ZNF804B: variants seen among roughly 807,000 people sequenced by gnomAD.
ZNF804B encodes the protein zinc finger 804B.
Under a neutral mutation model 101.4 loss-of-function variants are expected in ZNF804B, and 80 were observed. The observed-to-expected ratio is 0.79, with a 90% CI of 0.66 to 0.95. The LOEUF (loss-of-function observed/expected upper bound fraction) is 0.95, where lower values mean the gene tolerates loss of function less well. ZNF804B is among the 40% of genes least tolerant of loss of function. The pLI, the probability that ZNF804B is intolerant of heterozygous loss-of-function variation, is 0.00. For missense variants in ZNF804B, 1,673 were observed against 1,561.9 expected, an observed-to-expected ratio of 1.07 and a Z score of -1.20; for synonymous variants, 622 against 558.8, an observed-to-expected ratio of 1.11 and a Z score of -1.59.
intron 2 of ZNF804B, among the ~76,000 whole-genome samples, chr7:89,258,752 A>C (rs1789670995): frequency 6.6e-6 from 1 of 151,796 alleles, no homozygotes; most frequent in Admixed American, 6.6e-5. Context: ...TATTCTTACA[A>C]TAAAGTAAGC....
At chr7:89,005,522 C>A (rs1027717232) in intron 1 of ZNF804B, among the ~76,000 whole-genome samples, 2 of 152,088 alleles carry the variant, frequency 1.3e-5, no homozygotes, top group African/African-American at 4.8e-5. Flanking sequence ...ACATAAATTA[C>A]TTGAGATAAT....
chr7:89,175,452 A>G (rs1791303490), intron 1 of ZNF804B, among the ~76,000 whole-genome samples: 1 of 151,980 alleles, frequency 6.6e-6, no homozygotes, highest in Admixed American at 6.6e-5. Context: ...TTATGTCAGT[A>G]CCATGCTCTT....
chr7:88,853,575 A>T (rs1025078145), intron 1 of ZNF804B, among the ~76,000 whole-genome samples: 14 of 152,160 alleles, frequency 9.2e-5, no homozygotes, highest in African/African-American at 3.4e-4. Context: ...TCAGTAGTCA[A>T]TATCTCTCTA....
At chr7:88,947,922 A>G (rs1186252445) in intron 1 of ZNF804B, among the ~76,000 whole-genome samples, 1 of 151,884 alleles carries the variant, frequency 6.6e-6, no homozygotes, top group Non-Finnish European at 1.5e-5. Flanking sequence ...CTGAGGAACA[A>G]TTGTATATGT....
At chr7:89,308,006 T>C (rs905191357) in intron 2 of ZNF804B, among the ~76,000 whole-genome samples, 12 of 152,212 alleles carry the variant, frequency 7.9e-5, no homozygotes, top group Admixed American at 2.0e-4. Context: ...GCTTAATAAA[T>C]AGAGTTGTAC....
At position 89,085,133 on chromosome 7, in the gene ZNF804B, A is replaced by G. The variant is rs1789769944; in HGVS notation, c.109-133022A>G. Among the ~76,000 whole-genome samples, 3 of 51,528 alleles carry G rather than the reference A, an allele frequency of 5.8e-5. No individual in the cohort carries two copies. In the South Asian group the frequency reaches 1.4e-3, roughly 25 times the overall value. The allele number at this position is 51,528 out of a possible 152,430, so 33.8% of individuals were successfully genotyped here. The stretch of plus-strand genomic sequence containing the variant: ...TCAGCATTCATTCTGTAAGTTTAGA[A>G]TATGCTCGCCAAATCAAAGCTCTTT... On this transcript the variant is annotated intron_variant, in intron 1 of 3. Transcript: ENST00000333190.
chr7:88,941,343 C>G (rs1242614213), intron 1 of ZNF804B, among the ~76,000 whole-genome samples: 1 of 151,984 alleles, frequency 6.6e-6, no homozygotes, highest in Non-Finnish European at 1.5e-5. Flanking sequence ...TTCATAATTG[C>G]TAAAACTTGG....
chr7:89,329,260 A>T (rs1790942081), intron 3 of ZNF804B, among the ~76,000 whole-genome samples: 1 of 151,752 alleles, frequency 6.6e-6, no homozygotes, highest in African/African-American at 2.4e-5. Context: ...AAACTAGGAA[A>T]ATAATTTTTT....
chr7:88,977,415 A>G (rs2116124887), intron 1 of ZNF804B, among the ~76,000 whole-genome samples: 1 of 151,328 alleles, frequency 6.6e-6, no homozygotes, highest in Admixed American at 6.6e-5. Flanking sequence ...TATAGCCTCT[A>G]TTTTACTACT....
intron 1 of ZNF804B, among the ~76,000 whole-genome samples, chr7:89,106,828 GA>G (rs1790144051): frequency 6.6e-6 from 1 of 152,126 alleles, no homozygotes; most frequent in Non-Finnish European, 1.5e-5. Context: ...TGGCAGAACA[GA>G]GAATATCCCA....
At chr7:89,131,761 A>G (rs1790550644) in intron 1 of ZNF804B, among the ~76,000 whole-genome samples, 1 of 152,024 alleles carries the variant, frequency 6.6e-6, no homozygotes, top group Admixed American at 6.6e-5. Context: ...GTGGTCAGAC[A>G]TTAGAAAACT....
At chr7:89,054,792 A>T (rs1789265990) in intron 1 of ZNF804B, among the ~76,000 whole-genome samples, 1 of 152,016 alleles carries the variant, frequency 6.6e-6, no homozygotes, top group African/African-American at 2.4e-5. Context: ...GTCTCTGTCA[A>T]CATAGACCAA....
chr7:89,101,177 C>T, intron 1 of ZNF804B, among the ~76,000 whole-genome samples: 1 of 151,964 alleles, frequency 6.6e-6, no homozygotes, highest in Non-Finnish European at 1.5e-5. Context: ...TACTCATGGG[C>T]ACTATGGCAA....
At chr7:89,268,930 C>A (rs914993098) in intron 2 of ZNF804B, among the ~76,000 whole-genome samples, 1 of 152,086 alleles carries the variant, frequency 6.6e-6, no homozygotes, top group Admixed American at 6.6e-5. Flanking sequence ...ATTTTTCAAG[C>A]AATTACCTTA....
chr7:89,279,091 GTATTT>G (rs1418212289), intron 2 of ZNF804B, among the ~76,000 whole-genome samples: 3 of 152,052 alleles, frequency 2.0e-5, no homozygotes, highest in African/African-American at 7.2e-5. Context: ...GGATTCCTAG[GTATTT>G]TATTCTCTTT....
chr7:89,010,327 C>T (rs1788436882), intron 1 of ZNF804B, among the ~76,000 whole-genome samples: 2 of 152,112 alleles, frequency 1.3e-5, no homozygotes, highest in African/African-American at 4.8e-5. Context: ...GATACTTCTT[C>T]ATTACAGTAT....
chr7:89,282,008 C>T (rs866462527), intron 2 of ZNF804B, among the ~76,000 whole-genome samples: 3 of 151,604 alleles, frequency 2.0e-5, no homozygotes, highest in Non-Finnish European at 4.4e-5. Context: ...GAAACCATCC[C>T]GGCTAAAACG....
At chr7:88,837,258 C>A (rs957088709) in intron 1 of ZNF804B, among the ~76,000 whole-genome samples, 1 of 151,730 alleles carries the variant, frequency 6.6e-6, no homozygotes, top group African/African-American at 2.4e-5. Flanking sequence ...AAGAAGTGAT[C>A]CTGTAACTTC....
At chr7:89,254,762 C>T (rs919445145) in intron 2 of ZNF804B, among the ~76,000 whole-genome samples, 20 of 151,800 alleles carry the variant, frequency 1.3e-4, no homozygotes, top group Admixed American at 5.2e-4. Context: ...TCTCCTGCCT[C>T]AGCGTCCCCA....
Sources: allele counts gnomAD v4.1 joint callset (sites outside exome capture counted in the v4.1 genomes callset), GRCh38; gene constraint gnomAD v4.1.1; transcripts MANE v1.5; gene names NCBI Gene and HGNC (gene_info 2026-07-23, HGNC 2026-07-21).